Variants in TRIM36 observed in about 807,000 individuals in gnomAD.
TRIM36 encodes E3 ubiquitin-protein ligase TRIM36.
In TRIM36, 42 loss-of-function variants were observed where a neutral mutation model predicts 72.4. The observed-to-expected ratio is 0.58, with a 90% CI of 0.45 to 0.75. The LOEUF is 0.75. TRIM36 is among the 30% of genes least tolerant of loss of function. The probability of loss-of-function intolerance (pLI) is 0.00; values close to 1 mark genes in which losing one functional copy is unlikely to be tolerated. For missense variants in TRIM36, 913 were observed against 857.1 expected (o/e 1.07, Z -0.81); for synonymous variants, 315 against 282.8 (o/e 1.11, Z -1.14).
chr5:115,132,579 C>CA (rs949706260), intron 8 of TRIM36, among the ~76,000 whole-genome samples: 4 of 149,580 alleles, frequency 2.7e-5, no homozygotes, highest in Non-Finnish European at 5.9e-5. Flanking sequence ...AGACTGCTAG[C>CA]AAACTACAGC....
At chr5:115,161,976 T>C (rs921822436) in intron 2 of TRIM36, among the ~76,000 whole-genome samples, 1 of 152,222 alleles carries the variant, frequency 6.6e-6, no homozygotes, top group African/African-American at 2.4e-5. Context: ...ACTTAGCCCA[T>C]TTCATTTCTG....
At chr5:115,137,279 C>T in intron 6 of TRIM36, 84 bp downstream of exon 6, 1 of 1,515,942 alleles carries the variant, frequency 6.6e-7, no homozygotes, top group Non-Finnish European at 8.8e-7. Context: ...GCATTATGGA[C>T]CAATCAGAGC....
intron 2 of TRIM36, among the ~76,000 whole-genome samples, chr5:115,162,218 A>T (rs774300261): frequency 6.6e-6 from 1 of 152,206 alleles, no homozygotes. Flanking sequence ...CCCTCTCAGG[A>T]CATAATCTAA....
At chr5:115,176,856 C>T (rs1271369464) in intron 1 of TRIM36, among the ~76,000 whole-genome samples, 1 of 152,198 alleles carries the variant, frequency 6.6e-6, no homozygotes, top group East Asian at 1.9e-4. Flanking sequence ...AAAAGTTTCA[C>T]TGCTAGTGAA....
chr5:115,139,006 A>G (rs1422966228), intron 5 of TRIM36, among the ~76,000 whole-genome samples: 2 of 151,104 alleles, frequency 1.3e-5, no homozygotes, highest in African/African-American at 4.9e-5. Flanking sequence ...TTTTTAGTAG[A>G]GATGGGGTTT....
At chr5:115,150,331 A>G (rs74908298) in intron 2 of TRIM36, among the ~76,000 whole-genome samples, 2,121 of 152,358 alleles carry the variant, frequency 0.014, 53 homozygotes, top group African/African-American at 0.049. Flanking sequence ...TTTAATTAAA[A>G]TTAAGTAAAA....
chr5:115,178,041 T>G (rs796499033), intron 1 of TRIM36, among the ~76,000 whole-genome samples: 3 of 147,908 alleles, frequency 2.0e-5, no homozygotes, highest in African/African-American at 8.0e-5. Flanking sequence ...GTTTTAATGG[T>G]TCTGCCCTAC....
In TRIM36 at chr5:115,137,298, G is replaced by A. The variant is rs563470925; in HGVS notation, c.1085+65C>T. The A allele has an allele frequency of 4.0e-5, 61 of 1,540,404 alleles. No individual in the cohort carries two copies. The East Asian group carries it at 1.4e-3, about 35-fold the overall frequency. The stretch of plus-strand genomic sequence containing the variant: ...TATGGACCAATCAGAGCTAAAGTGA[G>A]AATACACAGCAGCATTTAATAACAT... On this transcript the variant is annotated intron_variant, in intron 6 of 9. Coordinates refer to ENST00000513154, the MANE Select transcript of TRIM36 (RefSeq NM_001300759.2).
At chr5:115,163,838 T>C in intron 1 of TRIM36, 86 bp from the exon 2 acceptor site, 1 of 1,026,590 alleles carries the variant, frequency 9.7e-7, no homozygotes, top group Non-Finnish European at 1.4e-6. Context: ...TACATGTGTT[T>C]ATTTTTCCAA....
chr5:115,153,151 C>A (rs187696341), intron 2 of TRIM36, among the ~76,000 whole-genome samples: 1 of 152,120 alleles, frequency 6.6e-6, no homozygotes, highest in Admixed American at 6.5e-5. Flanking sequence ...ACTCACCTAA[C>A]ACATAAGGAT....
intron 1 of TRIM36, among the ~76,000 whole-genome samples, chr5:115,164,457 G>T (rs923726889): frequency 2.0e-5 from 3 of 152,178 alleles, no homozygotes; most frequent in Non-Finnish European, 4.4e-5. Flanking sequence ...TGGCTAGGGA[G>T]TCCTCAAGAA....
chr5:115,153,804 T>C (rs1194179351), intron 2 of TRIM36: 1 of 152,210 alleles, frequency 6.6e-6, no homozygotes. Flanking sequence ...AAACAATGGA[T>C]TTAAACTATT....
Position 115,124,996 on chromosome 5 carries a change from A to G in TRIM36, c.*1507T>C, listed in dbSNP as rs777213271. On this transcript the variant is annotated 3_prime_UTR_variant, in exon 10 of 10. Coordinates refer to ENST00000513154, the MANE Select transcript of TRIM36 (RefSeq NM_001300759.2). ...TTGCTTAGTTTAGCCTACATCATAA[A>G]GTGCTATTCATAGATGGGAAATTAA... 34 of 152,486 alleles carry G rather than the reference A, an allele frequency of 2.2e-4. No individual in the cohort carries two copies. Among genetic ancestry groups the G allele is most frequent in the Non-Finnish European group, 3.8e-4 (26 of 67,932 alleles). 9.4% of individuals were successfully genotyped at this position (152,486 alleles called of 1,614,324 possible). A position where few individuals can be genotyped will look rare whatever the true frequency, so the allele number is the denominator to read the frequency against.
chr5:115,165,224 G>A (rs1326824389), intron 1 of TRIM36, among the ~76,000 whole-genome samples: 2 of 152,202 alleles, frequency 1.3e-5, no homozygotes, highest in Admixed American at 1.3e-4. Flanking sequence ...CTGGGGTCTG[G>A]AGGACCATGG....
At chr5:115,169,503 T>G (rs1371962621) in intron 1 of TRIM36, 105 bp downstream of exon 1, 4 of 1,274,256 alleles carry the variant, frequency 3.1e-6, no homozygotes, top group African/African-American at 1.5e-5. Flanking sequence ...CTGCCTTTGC[T>G]CTCCCGGGAG....
chr5:115,137,741 C>A (rs1368633511), intron 5 of TRIM36, 125 bp from the exon 6 acceptor site: 4 of 1,131,502 alleles, frequency 3.5e-6, no homozygotes, highest in Non-Finnish European at 4.8e-6. Flanking sequence ...ACAGCATTAT[C>A]AAAATTTGAT....
intron 2 of TRIM36, among the ~76,000 whole-genome samples, chr5:115,159,375 G>A (rs924096485): frequency 9.2e-5 from 14 of 152,156 alleles, no homozygotes; most frequent in East Asian, 1.9e-4. Flanking sequence ...AAACAAAAGC[G>A]GTATAAATCA....
rs375559680 is a variant in TRIM36 at position 115,126,870 on chromosome 5, A to G, written c.1797-13T>C. On this transcript the variant is annotated splice_polypyrimidine_tract_variant and intron_variant, in intron 9 of 9. Coordinates refer to ENST00000513154, the MANE Select transcript of TRIM36 (RefSeq NM_001300759.2). Reference sequence around the variant, plus strand: ...GTCTTGCTCATATCTGAAACATAATACAAAGCATCTGTATCTTCAACAATA... The same window carrying G: ...GTCTTGCTCATATCTGAAACATAATGCAAAGCATCTGTATCTTCAACAATA... 126 of 1,594,492 alleles carry G rather than the reference A, an allele frequency of 7.9e-5. No homozygotes were observed. The highest frequency in any genetic ancestry group is 3.5e-5 in the Admixed American group (2 of 57,624).
At chr5:115,165,673 G>A (rs1477764882) in intron 1 of TRIM36, among the ~76,000 whole-genome samples, 1 of 152,172 alleles carries the variant, frequency 6.6e-6, no homozygotes, top group Non-Finnish European at 1.5e-5. Context: ...AGAGCCAGCG[G>A]GACCCAGGAA....
Sources: allele counts gnomAD v4.1 joint callset (sites outside exome capture counted in the v4.1 genomes callset), GRCh38; gene constraint gnomAD v4.1.1; transcripts MANE v1.5; gene names NCBI Gene and HGNC (gene_info 2026-07-23, HGNC 2026-07-21).